Variants in LRRC7 observed in about 807,000 individuals in gnomAD.
LRRC7 encodes leucine rich repeat containing 7, also known as leucine-rich repeat-containing protein 7.
A neutral mutation model predicts 175.7 loss-of-function variants in LRRC7; 23 were observed. The observed-to-expected ratio is 0.13, with a 90% CI of 0.09 to 0.19. The LOEUF is 0.19. LRRC7 is among the 10% of genes least tolerant of loss of function. LRRC7 has a pLI of 1.00. For missense variants in LRRC7, 1,354 were observed against 1,904.7 expected, an observed-to-expected ratio of 0.71 and a Z score of 5.38; for synonymous variants, 685 against 680.9, an observed-to-expected ratio of 1.01 and a Z score of -0.09.
chr1:70,058,305 C>T (rs1018870383), intron 23 of LRRC7, among the ~76,000 whole-genome samples: 12 of 152,070 alleles, frequency 7.9e-5, no homozygotes, highest in Admixed American at 5.2e-4. Flanking sequence ...CCACTGTGCC[C>T]GGCCCAAAAT....
intron 1 of LRRC7, among the ~76,000 whole-genome samples, chr1:69,636,335 G>A (rs763878489): frequency 2.0e-5 from 3 of 151,756 alleles, no homozygotes; most frequent in Non-Finnish European, 4.4e-5. Flanking sequence ...AAGTCCAGCT[G>A]CATTTTAGAA....
At chr1:69,785,116 GT>G (rs1264345038) in intron 3 of LRRC7, among the ~76,000 whole-genome samples, 6 of 151,968 alleles carry the variant, frequency 3.9e-5, no homozygotes, top group African/African-American at 1.4e-4. Flanking sequence ...ATTTTTGTCT[GT>G]TTTTTAGTCA....
chr1:69,661,829 T>C (rs1388735895), intron 1 of LRRC7, among the ~76,000 whole-genome samples: 1 of 152,152 alleles, frequency 6.6e-6, no homozygotes, highest in African/African-American at 2.4e-5. Flanking sequence ...ATGACATTTT[T>C]TTCATATTTG....
intron 2 of LRRC7, among the ~76,000 whole-genome samples, chr1:69,693,037 C>T (rs945717823): frequency 1.3e-5 from 2 of 151,736 alleles, no homozygotes; most frequent in African/African-American, 4.9e-5. Flanking sequence ...CTCGCAGACA[C>T]GGACAGGAGT....
chr1:69,949,557 A>G (rs1649701801), intron 8 of LRRC7, among the ~76,000 whole-genome samples: 1 of 134,298 alleles, frequency 7.4e-6, no homozygotes, highest in Admixed American at 8.0e-5. Context: ...ACCCAGTCCC[A>G]AAGAAAAATA....
At chr1:69,596,561 A>G (rs532760262) in intron 1 of LRRC7, among the ~76,000 whole-genome samples, 1 of 152,328 alleles carries the variant, frequency 6.6e-6, no homozygotes, top group African/African-American at 2.4e-5. Flanking sequence ...CCTGTTTTAT[A>G]ACTAAATTGT....
At position 70,138,108 on chromosome 1, in the gene LRRC7, A is replaced by G. The variant is rs1409067282; in HGVS notation, c.*16221A>G. The G allele has an allele frequency of 6.6e-6, 1 of 152,348 alleles. No individual in the cohort carries two copies. The allele number at this position is 152,348 out of a possible 1,614,324, so 9.4% of individuals were successfully genotyped here. On this transcript the variant is annotated 3_prime_UTR_variant, in exon 27 of 27. Transcript: ENST00000651989. ...GATGAAGTGTTTGGTTTTTCCTTGT[A>G]GAAACTTAGTGTCATTGCGCATCAA...
chr1:69,599,209 G>T (rs563391831), intron 1 of LRRC7, among the ~76,000 whole-genome samples: 2 of 152,182 alleles, frequency 1.3e-5, no homozygotes, highest in South Asian at 2.1e-4. Context: ...AATATAGTTG[G>T]AGTTTACGCC....
intron 2 of LRRC7, among the ~76,000 whole-genome samples, chr1:69,714,166 C>T (rs1215612975): frequency 6.6e-6 from 1 of 152,142 alleles, no homozygotes; most frequent in Non-Finnish European, 1.5e-5. Flanking sequence ...CACTCAACTC[C>T]CCTGAGTTAC....
At chr1:70,074,550 G>C (rs1284652430) in intron 23 of LRRC7, among the ~76,000 whole-genome samples, 3 of 152,174 alleles carry the variant, frequency 2.0e-5, no homozygotes, top group Admixed American at 6.5e-5. Context: ...GGACAGAGTT[G>C]GATTGATAAT....
chr1:69,939,039 ATC>A (rs369178186), intron 8 of LRRC7, among the ~76,000 whole-genome samples: 2,371 of 81,040 alleles, frequency 0.029, 164 homozygotes, highest in East Asian at 0.047. Context: ...ATCTATATAT[ATC>A]TATATCTATC....
At chr1:69,732,761 T>G (rs1328363016) in intron 2 of LRRC7, among the ~76,000 whole-genome samples, 1 of 152,088 alleles carries the variant, frequency 6.6e-6, no homozygotes, top group African/African-American at 2.4e-5. Context: ...TTTAGTTTAC[T>G]TGAACTAAAA....
intron 21 of LRRC7, 50 bp from the exon 22 acceptor site, chr1:70,043,900 CAGTT>C (rs1233310619): frequency 6.6e-7 from 1 of 1,522,834 alleles, no homozygotes; most frequent in Non-Finnish European, 8.9e-7. Flanking sequence ...TGTAATTTAT[CAGTT>C]TGTTGAGCAT....
intron 7 of LRRC7, among the ~76,000 whole-genome samples, chr1:69,886,519 G>A (rs980232572): frequency 8.5e-5 from 13 of 152,126 alleles, no homozygotes; most frequent in Admixed American, 3.9e-4. Flanking sequence ...GTCTCTGCAC[G>A]TGAGATGGGT....
intron 5 of LRRC7, among the ~76,000 whole-genome samples, chr1:69,830,611 A>G (rs1379257763): frequency 6.6e-6 from 1 of 151,882 alleles, no homozygotes; most frequent in Non-Finnish European, 1.5e-5. Context: ...GTATTATTGT[A>G]TAAACATTCA....
intron 1 of LRRC7, among the ~76,000 whole-genome samples, chr1:69,631,854 T>G (rs1157170329): frequency 6.6e-6 from 1 of 152,016 alleles, no homozygotes; most frequent in Admixed American, 6.6e-5. Context: ...TCAGAGTCTG[T>G]TTTCAACTCT....
rs185200934 is a variant in LRRC7 at position 69,770,950 on chromosome 1, C to T, written c.303+10557C>T. ...TGACGTAAGTCATGTATCCACTCTT[C>T]GATTAATGTTTCCAGAAATACAAGA... On this transcript the variant is annotated intron_variant, in intron 3 of 26. Transcript: ENST00000651989. 5.9e-5 allele frequency among the ~76,000 whole-genome samples: 9 copies of T among 152,278 alleles called. No individual in the cohort carries two copies. The East Asian group carries it at 1.3e-3, about 23-fold the overall frequency.
chr1:69,886,282 T>C (rs1335619131), intron 7 of LRRC7, among the ~76,000 whole-genome samples: 3 of 151,858 alleles, frequency 2.0e-5, no homozygotes, highest in African/African-American at 7.3e-5. Flanking sequence ...CAGGACTTGC[T>C]TTACGAATCT....
chr1:69,571,321 A>G (rs1645731351), intron 1 of LRRC7, among the ~76,000 whole-genome samples: 1 of 152,162 alleles, frequency 6.6e-6, no homozygotes, highest in Admixed American at 6.5e-5. Context: ...GCTGTCATTA[A>G]CATTTTCCCA....
Sources: allele counts gnomAD v4.1 joint callset (sites outside exome capture counted in the v4.1 genomes callset), GRCh38; gene constraint gnomAD v4.1.1; transcripts MANE v1.5; gene names NCBI Gene and HGNC (gene_info 2026-07-23, HGNC 2026-07-21).